Variants in PDK1 observed in about 807,000 individuals in gnomAD.
PDK1 encodes the protein [Pyruvate dehydrogenase (acetyl-transferring)] kinase isozyme 1, mitochondrial.
A neutral mutation model predicts 54.2 loss-of-function variants in PDK1; 39 were observed. The ratio of observed to expected loss-of-function variants is 0.72; its 90% confidence interval spans 0.56 to 0.94. The LOEUF is 0.94. Among genes scored for constraint, PDK1 ranks in the 40% least tolerant of loss-of-function variants. The pLI, the probability that PDK1 is intolerant of heterozygous loss-of-function variation, is 0.00. For synonymous variants in PDK1, 221 were observed against 207.1 expected (o/e 1.07, Z -0.58); for missense variants, 552 against 566.0 (o/e 0.98, Z 0.25).
At chr2:172,691,593 G>T in the PDK1 span, among the ~76,000 whole-genome samples, 4 of 152,080 alleles carry the variant, frequency 2.6e-5, no homozygotes, top group Admixed American at 2.0e-4. Flanking sequence ...CCTAACCCCT[G>T]GCAACCACTG....
chr2:172,670,444 C>T, the PDK1 span, among the ~76,000 whole-genome samples: 2 of 152,102 alleles, frequency 1.3e-5, no homozygotes, highest in South Asian at 2.1e-4. Context: ...GATGTTTACA[C>T]ATGGAAATTT....
chr2:172,689,382 C>T, the PDK1 span, among the ~76,000 whole-genome samples: 3 of 152,222 alleles, frequency 2.0e-5, no homozygotes, highest in Non-Finnish European at 2.9e-5. Flanking sequence ...ATTCCATGCT[C>T]ATGGATAGGA....
the PDK1 span, among the ~76,000 whole-genome samples, chr2:172,720,954 C>T: frequency 9.8e-5 from 15 of 152,300 alleles, no homozygotes; most frequent in East Asian, 2.9e-3. Context: ...TTCTCATGAG[C>T]ACCAAATGGA....
Position 172,605,368 on chromosome 2 carries a change from A to ATTTTTTTTTTTTTTTTTTT in PDK1, c.*9405_*9423dup, listed in dbSNP as rs71403320. ...CTGTCCAGGTTTGGTCTACACTGTA[A>ATTTTTTTTTTTTTTTTTTT]TTTTTTTTTTTTTTTTTTTTTTTTG... On this transcript the variant is annotated 3_prime_UTR_variant, in exon 11 of 11. Transcript: ENST00000282077. The ATTTTTTTTTTTTTTTTTTT allele has an allele frequency of 1.0e-5, 1 of 96,366 alleles. No homozygotes were observed. Among genetic ancestry groups the ATTTTTTTTTTTTTTTTTTT allele is most frequent in the African/African-American group, 3.9e-5 (1 of 25,350 alleles). The allele number at this position is 96,366 out of a possible 1,614,324, so 6.0% of individuals were successfully genotyped here. A position where few individuals can be genotyped will look rare whatever the true frequency, so the allele number is the denominator to read the frequency against.
the PDK1 span, among the ~76,000 whole-genome samples, chr2:172,628,421 A>G: frequency 2.6e-5 from 4 of 152,160 alleles, no homozygotes; most frequent in African/African-American, 4.8e-5. Context: ...ATGGTGTAAA[A>G]TCATCACTCC....
chr2:172,712,697 G>C, the PDK1 span, among the ~76,000 whole-genome samples: 2 of 152,210 alleles, frequency 1.3e-5, no homozygotes, highest in Non-Finnish European at 2.9e-5. Flanking sequence ...TGTCACAGCC[G>C]TGGCTTGGGG....
rs1195090888 is a variant in PDK1 at position 172,586,296 on chromosome 2, G to C, written c.964G>C (p.Gly322Arg). Reference protein sequence around the residue: ...LTVKMSDRGGGVPLRKIDRLF... With the variant: ...LTVKMSDRGGRVPLRKIDRLF... ...ACCTTAGATGAGTGACCGAGGAGGTGGCGTTCCTTTGAGGAAAATTGACAG... is the reference window on the plus strand; with the variant it reads ...ACCTTAGATGAGTGACCGAGGAGGTCGCGTTCCTTTGAGGAAAATTGACAG... The change falls in exon 9 of 11, where the codon GGC becomes CGC. Residue 322 changes from glycine to arginine, a missense_variant. Transcript: ENST00000282077. 2.0e-5 allele frequency: 32 copies of C among 1,611,760 alleles called. No homozygotes were observed. The highest frequency in any genetic ancestry group is 2.7e-5 in the Non-Finnish European group (32 of 1,178,060).
At chr2:172,610,656 G>A (rs144189010), downstream of PDK1, among the ~76,000 whole-genome samples, 2 of 152,118 alleles carry the variant, frequency 1.3e-5, no homozygotes, top group Admixed American at 1.3e-4. Flanking sequence ...TCTTGCACAG[G>A]CTGGAGTGCA....
the PDK1 span, among the ~76,000 whole-genome samples, chr2:172,617,507 C>T: frequency 3.3e-5 from 5 of 152,136 alleles, no homozygotes; most frequent in African/African-American, 9.7e-5. Context: ...GGCCTGGTCT[C>T]TCTGCTTCCA....
chr2:172,575,014 C>A (rs897332323), intron 8 of PDK1, among the ~76,000 whole-genome samples: 1 of 151,988 alleles, frequency 6.6e-6, no homozygotes, highest in African/African-American at 2.4e-5. Context: ...TTCATAGATA[C>A]CCTTTATCAG....
At chr2:172,625,488 C>T in the PDK1 span, among the ~76,000 whole-genome samples, 16 of 152,264 alleles carry the variant, frequency 1.1e-4, no homozygotes, top group Admixed American at 2.0e-4. Context: ...TTTCTTCAAC[C>T]TTATCTCCTG....
the PDK1 span, among the ~76,000 whole-genome samples, chr2:172,624,230 C>G: frequency 6.6e-6 from 1 of 152,162 alleles, no homozygotes; most frequent in Non-Finnish European, 1.5e-5. Context: ...TTGGGGAAAG[C>G]TTATCTCCGG....
chr2:172,681,680 T>C, the PDK1 span, among the ~76,000 whole-genome samples: 6 of 152,152 alleles, frequency 3.9e-5, no homozygotes, highest in Admixed American at 6.5e-5. Context: ...TCAGAGGTGA[T>C]TAATGGTATA....
chr2:172,720,745 C>G, the PDK1 span, among the ~76,000 whole-genome samples: 1 of 152,112 alleles, frequency 6.6e-6, no homozygotes, highest in Non-Finnish European at 1.5e-5. Flanking sequence ...TTTGTTTTCT[C>G]TTTCTCTAGC....
the PDK1 span, among the ~76,000 whole-genome samples, chr2:172,619,289 G>A: frequency 1.3e-5 from 2 of 152,150 alleles, no homozygotes; most frequent in African/African-American, 4.8e-5. Context: ...CACCAGGGAT[G>A]CCCACATTCT....
At chr2:172,710,923 T>C in the PDK1 span, among the ~76,000 whole-genome samples, 1 of 152,350 alleles carries the variant, frequency 6.6e-6, no homozygotes, top group South Asian at 2.1e-4. Context: ...AACTAAATTC[T>C]CTCAATGTGA....
At chr2:172,617,896 T>TA in the PDK1 span, among the ~76,000 whole-genome samples, 33 of 152,198 alleles carry the variant, frequency 2.2e-4, 1 homozygote, top group East Asian at 2.3e-3. Context: ...TAACTTTATT[T>TA]AAAAAAAACC....
At chr2:172,614,343 A>C in the PDK1 span, among the ~76,000 whole-genome samples, 21 of 152,280 alleles carry the variant, frequency 1.4e-4, no homozygotes, top group Non-Finnish European at 1.9e-4. Context: ...GTGGGGACTC[A>C]TGCTCTTCCG....
the PDK1 span, among the ~76,000 whole-genome samples, chr2:172,673,628 A>T: frequency 2.6e-5 from 4 of 152,210 alleles, no homozygotes; most frequent in Non-Finnish European, 5.9e-5. Flanking sequence ...ACCTACTGTA[A>T]CACAGGTACC....
Sources: gnomAD v4.1 joint callset for allele counts (sites outside exome capture counted in the v4.1 genomes callset) on GRCh38, gnomAD v4.1.1 for gene constraint, MANE v1.5 for transcripts, NCBI Gene and HGNC (gene_info 2026-07-23, HGNC 2026-07-21) for gene names.